Variants in LHX3 observed in about 807,000 individuals in gnomAD.
The protein encoded by LHX3 is LIM/homeobox protein Lhx3.
In LHX3, 21 loss-of-function variants were observed where a neutral mutation model predicts 32.4. That is an observed-to-expected ratio of 0.65 (90% CI 0.46 to 0.93). LHX3 has a LOEUF of 0.93. Among genes scored for constraint, LHX3 ranks in the 40% least tolerant of loss-of-function variants. The pLI, the probability that LHX3 is intolerant of heterozygous loss-of-function variation, is 0.00. For missense variants in LHX3, 626 were observed against 560.0 expected, an observed-to-expected ratio of 1.12 and a Z score of -1.19; for synonymous variants, 258 against 246.8, an observed-to-expected ratio of 1.05 and a Z score of -0.43.
At position 136,200,730 on chromosome 9, in the gene LHX3, C is replaced by T; in HGVS notation, c.103G>A (p.Asp35Asn). ...TREIPLCAGC[D>N]QHILDRFILK... ...ATGAAGCGGTCCAGGATGTGCTGGT[C>T]ACAGCCAGCGCACAGCGGGATCTCT... Residue 35 changes from aspartate (D) to asparagine (N), a missense_variant, in exon 2 of 6, where the codon GAC becomes AAC. Physicochemically the swap from Asp to Asn is conservative, Grantham distance 23. Transcript: ENST00000371748. 6.2e-7 allele frequency: 1 copy of T among 1,613,472 alleles called. No homozygotes were observed. Among genetic ancestry groups the T allele is most frequent in the Admixed American group, 1.7e-5 (1 of 60,028 alleles).
intron 1 of LHX3, among the ~76,000 whole-genome samples, chr9:136,204,371 A>T (rs1375549968): frequency 6.6e-6 from 1 of 152,176 alleles, no homozygotes; most frequent in Non-Finnish European, 1.5e-5. Flanking sequence ...TGCTGGGTGC[A>T]GGTGGCTGAG....
chr9:136,201,796 C>G, intron 1 of LHX3: 1 of 770,610 alleles, frequency 1.3e-6, no homozygotes, highest in African/African-American at 1.9e-5. Flanking sequence ...AACCGCAGCT[C>G]CGGGTGCGGA....
At chr9:136,204,046 C>T (rs1225532644) in intron 1 of LHX3, among the ~76,000 whole-genome samples, 1 of 152,238 alleles carries the variant, frequency 6.6e-6, no homozygotes, top group Non-Finnish European at 1.5e-5. Flanking sequence ...TGGCAGTGCG[C>T]AGAAACACAC....
chr9:136,202,978 G>T, intron 1 of LHX3: 3 of 1,529,310 alleles, frequency 2.0e-6, no homozygotes, highest in Non-Finnish European at 2.6e-6. Context: ...CGCCAGCAGT[G>T]CTAGCAGCAG....
chr9:136,201,411 G>C, intron 1 of LHX3: 1 of 1,232,052 alleles, frequency 8.1e-7, no homozygotes, highest in Non-Finnish European at 1.0e-6. Context: ...TCAAACGTCT[G>C]GCTTCCCGCT....
chr9:136,201,629 C>G (rs1265886327), intron 1 of LHX3: 1 of 996,436 alleles, frequency 1.0e-6, no homozygotes. Flanking sequence ...ATATTGCACC[C>G]GCCTCCCTGG....
intron 2 of LHX3, 76 bp from the exon 3 acceptor site, chr9:136,199,956 A>G (rs1588626188): frequency 6.9e-7 from 1 of 1,450,478 alleles, no homozygotes; most frequent in East Asian, 2.5e-5. Context: ...GAGAGAGGCA[A>G]GCGGCTGCCT....
rs540380272 is a variant in LHX3, at chr9:136,200,566, AG to A, written c.251+15del. On this transcript the variant is annotated intron_variant, in intron 2 of 5. Coordinates refer to ENST00000371748, the MANE Select transcript of LHX3 (RefSeq NM_178138.6). ...TGCCCTCCGCTCCCACACTGAGGTG[AG>A]GTTTCGGGGCTCACTTGAAAAAGTC... 7.7e-4 allele frequency: 1,247 copies of A among 1,612,706 alleles called. 12 individuals are homozygous for A. In the African/African-American group the frequency reaches 0.015, roughly 20 times the overall value.
At chr9:136,204,243 C>T (rs1445382033) in intron 1 of LHX3, among the ~76,000 whole-genome samples, 3 of 150,050 alleles carry the variant, frequency 2.0e-5, no homozygotes, top group African/African-American at 7.3e-5. Flanking sequence ...CCGATGTGTC[C>T]GTTTTGAGCA....
At chr9:136,200,837 C>G (rs1831624407) in intron 1 of LHX3, 84 bp from the exon 2 acceptor site, 2 of 1,482,194 alleles carry the variant, frequency 1.3e-6, no homozygotes, top group Non-Finnish European at 1.9e-6. Context: ...AGCCAGTCTC[C>G]CCTCCGGCCC....
intron 2 of LHX3, 96 bp from the exon 3 acceptor site, chr9:136,199,976 G>A (rs1165673542): frequency 9.9e-6 from 13 of 1,314,434 alleles, no homozygotes; most frequent in Non-Finnish European, 1.4e-5. Context: ...TGGGAAGGCG[G>A]CCCCGGAGGA....
At chr9:136,201,758 G>A (rs1831644683) in intron 1 of LHX3, 3 of 937,510 alleles carry the variant, frequency 3.2e-6, no homozygotes, top group Non-Finnish European at 3.8e-6. Context: ...GCGGGAAACC[G>A]GCGATGAATG....
chr9:136,205,095 C>T lies in LHX3; in HGVS notation c.-83G>A, dbSNP rs533437164. On this transcript the variant is annotated 5_prime_UTR_variant, in exon 1 of 6. Transcript: ENST00000371748. ...AGGGTTCGGGGCTCCCAAGTCCCGCCGCGTCGTGCGGGGCAGGGAGCCCGG... is the reference window on the plus strand; with the variant it reads ...AGGGTTCGGGGCTCCCAAGTCCCGCTGCGTCGTGCGGGGCAGGGAGCCCGG... 1.6e-6 allele frequency: 2 copies of T among 1,213,694 alleles called. No homozygotes were observed. Among genetic ancestry groups the T allele is most frequent in the African/African-American group, 1.6e-5 (1 of 64,268 alleles). 75.2% of individuals were successfully genotyped at this position (1,213,694 alleles called of 1,614,324 possible). A position where few individuals can be genotyped will look rare whatever the true frequency, so the allele number is the denominator to read the frequency against.
intron 3 of LHX3, 120 bp from the exon 4 acceptor site, chr9:136,199,179 C>T (rs1211919395): frequency 2.0e-6 from 1 of 495,446 alleles, no homozygotes; most frequent in Admixed American, 4.4e-5. Flanking sequence ...CCATCCCGCC[C>T]CACAGGCTTC....
rs760312252 is a variant in LHX3, at chr9:136,197,735, A to C, written c.784T>G (p.Ser262Ala). 2 of 1,601,970 alleles carry C rather than the reference A, an allele frequency of 1.2e-6. No individual in the cohort carries two copies. Among genetic ancestry groups the C allele is most frequent in the East Asian group, 2.2e-5 (1 of 44,880 alleles). ...DAEVSFPDEP[S>A]LAEMGPANGL... ...TTGGCCGGGCCCATTTCCGCCAAGG[A>C]AGGCTCATCTGCAACAGAAGCAGAG... Residue 262 changes from serine to alanine, a missense_variant, in exon 6 of 6, where the codon TCC (serine) becomes GCC (alanine). Transcript: ENST00000371748.
At position 136,205,079 on chromosome 9, in the gene LHX3, G is replaced by A. The variant is rs1831726670; in HGVS notation, c.-67C>T. The A allele has an allele frequency of 1.5e-6, 2 of 1,365,440 alleles. No homozygotes were observed. Among genetic ancestry groups the A allele is most frequent in the Non-Finnish European group, 2.0e-6 (2 of 1,003,288 alleles). 84.6% of individuals were successfully genotyped at this position (1,365,440 alleles called of 1,614,324 possible). A position where few individuals can be genotyped will look rare whatever the true frequency, so the allele number is the denominator to read the frequency against. ...GGTCAGCGTCCCCTGGAGGGTTCGG[G>A]GCTCCCAAGTCCCGCCGCGTCGTGC... On this transcript the variant is annotated 5_prime_UTR_variant, in exon 1 of 6. Transcript: ENST00000371748.
intron 5 of LHX3, among the ~76,000 whole-genome samples, chr9:136,198,379 C>T (rs1831546366): frequency 1.3e-5 from 2 of 152,358 alleles, no homozygotes; most frequent in South Asian, 4.1e-4. Context: ...CACGCCCACC[C>T]CCCCATGAGA....
chr9:136,197,203 T>C lies in LHX3; in HGVS notation c.*122A>G. On this transcript the variant is annotated 3_prime_UTR_variant, in exon 6 of 6. Transcript: ENST00000371748. ...AGCTGTGCGGTCGGCAGTGGGAGGC[T>C]CCGAAGGCACCAGCCCTCCCTTGAC... is the stretch of plus-strand genomic sequence containing the variant. The C allele has an allele frequency of 2.8e-6, 3 of 1,063,672 alleles. No homozygotes were observed. Among genetic ancestry groups the C allele is most frequent in the Non-Finnish European group, 4.2e-6 (3 of 714,072 alleles). 65.9% of individuals were successfully genotyped at this position (1,063,672 alleles called of 1,614,324 possible). A position where few individuals can be genotyped will look rare whatever the true frequency, so the allele number is the denominator to read the frequency against.
At chr9:136,204,812 C>G in intron 1 of LHX3, 122 bp downstream of exon 1, 1 of 818,100 alleles carries the variant, frequency 1.2e-6, no homozygotes, top group Non-Finnish European at 2.0e-6. Flanking sequence ...GTTTCCATCT[C>G]TGTGTCCCGC....
Sources: gnomAD v4.1 joint callset for allele counts (sites outside exome capture counted in the v4.1 genomes callset) on GRCh38, gnomAD v4.1.1 for gene constraint, MANE v1.5 for transcripts, NCBI Gene and HGNC (gene_info 2026-07-23, HGNC 2026-07-21) for gene names.